The following SPTBN1 variants were observed in gnomAD, a reference collection of about 807,000 sequenced individuals.
SPTBN1 encodes spectrin beta, non-erythrocytic 1, also known as spectrin beta chain, non-erythrocytic 1.
In SPTBN1, 32 loss-of-function variants were observed where a neutral mutation model predicts 266.4. The observed-to-expected ratio is 0.12, with a 90% CI of 0.09 to 0.16. The LOEUF is 0.16. Ranked by LOEUF, SPTBN1 falls within the 10% of genes least tolerant of loss-of-function variation. SPTBN1 has a pLI of 1.00. For missense variants in SPTBN1, 2,296 were observed against 3,067.1 expected (o/e 0.75, Z 5.94); for synonymous variants, 1,336 against 1,162.2 (o/e 1.15, Z -3.04).
chr2:54,462,718 T>C (rs1335418172), intron 1 of SPTBN1, among the ~76,000 whole-genome samples: 1 of 152,240 alleles, frequency 6.6e-6, no homozygotes, highest in Non-Finnish European at 1.5e-5. Flanking sequence ...TTTAACAGGC[T>C]GGATGTGTGA....
intron 1 of SPTBN1, among the ~76,000 whole-genome samples, chr2:54,488,148 A>G (rs1668505841): frequency 6.6e-6 from 1 of 152,162 alleles, no homozygotes; most frequent in Admixed American, 6.5e-5. Flanking sequence ...CTTTATGAAT[A>G]AGAATTTCTA....
intron 1 of SPTBN1, among the ~76,000 whole-genome samples, chr2:54,493,302 G>T (rs1021669424): frequency 1.1e-4 from 16 of 151,776 alleles, no homozygotes; most frequent in African/African-American, 3.9e-4. Flanking sequence ...CACCGCACCC[G>T]GCCTAAGGAG....
chr2:54,493,547 G>A (rs1038822273), intron 1 of SPTBN1, among the ~76,000 whole-genome samples: 1 of 152,004 alleles, frequency 6.6e-6, no homozygotes, highest in African/African-American at 2.4e-5. Context: ...GACTACAGGT[G>A]TGTATCACCA....
At chr2:54,505,924 A>T (rs1015993397) in intron 1 of SPTBN1, among the ~76,000 whole-genome samples, 1 of 151,974 alleles carries the variant, frequency 6.6e-6, no homozygotes, top group Non-Finnish European at 1.5e-5. Flanking sequence ...GGAGATCGAG[A>T]CCATCCTGGC....
chr2:54,654,800 C>G (rs921681808), intron 27 of SPTBN1, among the ~76,000 whole-genome samples: 2 of 152,300 alleles, frequency 1.3e-5, no homozygotes, highest in East Asian at 3.9e-4. Flanking sequence ...TGGCACCCAC[C>G]TAGCAACCAT....
intron 1 of SPTBN1, among the ~76,000 whole-genome samples, chr2:54,512,383 AGG>A (rs1452148666): frequency 6.6e-6 from 1 of 152,202 alleles, no homozygotes; most frequent in Non-Finnish European, 1.5e-5. Context: ...CAAAGGGGAA[AGG>A]CTTGTTGCTG....
intron 1 of SPTBN1, among the ~76,000 whole-genome samples, chr2:54,494,763 C>G (rs1453365023): frequency 6.6e-6 from 1 of 152,082 alleles, no homozygotes; most frequent in African/African-American, 2.4e-5. Flanking sequence ...GAGGCATGGA[C>G]TCCAAAGAGG....
Position 54,657,961 on chromosome 2 carries a change from A to G in SPTBN1, c.6158A>G (p.Glu2053Gly). 6.2e-7 allele frequency: 1 copy of G among 1,614,220 alleles called. No homozygotes were observed. The highest frequency in any genetic ancestry group is 8.5e-7 in the Non-Finnish European group (1 of 1,180,034). ...ATAGGCCAGAGCGTGGACGAGGTGG[A>G]GAAGCTCATCAAGCGCCACGAGGCA... The part of the protein sequence containing the change: ...REIGQSVDEV[E>G]KLIKRHEAFE... Residue 2053 changes from glutamate (E) to glycine (G), a missense_variant, in exon 30 of 36, where the codon GAG becomes GGG. Glu to Gly is a moderately conservative substitution (Grantham distance 98). Around this residue, in one of 12 missense-constraint regions of SPTBN1, gnomAD observed 644 missense variants for 745.3 expected, o/e 0.86. Coordinates refer to ENST00000356805, the MANE Select transcript of SPTBN1 (RefSeq NM_003128.3).
intron 2 of SPTBN1, among the ~76,000 whole-genome samples, chr2:54,547,942 G>GA (rs1161416867): frequency 6.6e-6 from 1 of 152,090 alleles, no homozygotes; most frequent in Non-Finnish European, 1.5e-5. Flanking sequence ...AGGAGATCGA[G>GA]ACCATCCTGG....
At position 54,668,902 on chromosome 2, in the gene SPTBN1, C is replaced by T. The variant is rs182267636; in HGVS notation, c.*333C>T. On this transcript the variant is annotated 3_prime_UTR_variant, in exon 36 of 36. Coordinates refer to ENST00000356805, the MANE Select transcript of SPTBN1 (RefSeq NM_003128.3). ...CTAGTGCTGTTGGTATGCAAGGCAG[C>T]GGTGCTTAATCAATATTTCCTGTGC... 5.0e-5 allele frequency: 14 copies of T among 282,154 alleles called. No homozygotes were observed. Among genetic ancestry groups the T allele is most frequent in the Admixed American group, 4.0e-4 (8 of 19,930 alleles). The allele number at this position is 282,154 out of a possible 1,614,324, so 17.5% of individuals were successfully genotyped here. A position where few individuals can be genotyped will look rare whatever the true frequency, so the allele number is the denominator to read the frequency against.
chr2:54,599,326 A>T, intron 3 of SPTBN1, 83 bp downstream of exon 3: 2 of 1,507,370 alleles, frequency 1.3e-6, no homozygotes, highest in Non-Finnish European at 1.8e-6. Context: ...CTCCTGTTGA[A>T]TTCTGCACTT....
At chr2:54,599,048 C>G (rs748022911) in intron 2 of SPTBN1, 44 bp from the exon 3 acceptor site, 61 of 1,603,462 alleles carry the variant, frequency 3.8e-5, no homozygotes, top group Middle Eastern at 1.7e-4. Context: ...CTGCTCCTGC[C>G]AGTTCTGTGG....
intron 1 of SPTBN1, among the ~76,000 whole-genome samples, chr2:54,487,959 A>C (rs1668497373): frequency 6.6e-6 from 1 of 150,770 alleles, no homozygotes; most frequent in Non-Finnish European, 1.5e-5. Context: ...CCTCCCAAGT[A>C]GCTGGGACTA....
At chr2:54,634,787 T>A (rs1053943013) in intron 17 of SPTBN1, among the ~76,000 whole-genome samples, 2 of 152,206 alleles carry the variant, frequency 1.3e-5, no homozygotes, top group Admixed American at 6.5e-5. Flanking sequence ...TTTCCTGAGT[T>A]GTTGAAAGAG....
intron 1 of SPTBN1, among the ~76,000 whole-genome samples, chr2:54,482,419 C>G (rs1021757976): frequency 2.6e-5 from 4 of 151,982 alleles, no homozygotes; most frequent in African/African-American, 9.7e-5. Flanking sequence ...CTGGGTCCCA[C>G]TTCCAGAGAA....
rs1427050036 is a variant in SPTBN1, at chr2:54,670,044, C to T, written c.*1475C>T. ...ATTCTGCTGTTGCGTAATACAAAGG[C>T]AGCCATTGACGGTATGTGAATGCCT... On this transcript the variant is annotated 3_prime_UTR_variant, in exon 36 of 36. Transcript: ENST00000356805. 6.6e-6 allele frequency: 1 copy of T among 152,232 alleles called. No individual in the cohort carries two copies. The highest frequency in any genetic ancestry group is 1.5e-5 in the Non-Finnish European group (1 of 68,044). 9.4% of individuals were successfully genotyped at this position (152,232 alleles called of 1,614,324 possible).
Position 54,670,708 on chromosome 2 carries a change from G to A in SPTBN1, c.*2139G>A, listed in dbSNP as rs1004830985. Reference sequence around the variant, plus strand: ...AATCCTGGAGTCCCATAATAAATACGTACATGTGGAACATCGTGCACATAA... The same window carrying A: ...AATCCTGGAGTCCCATAATAAATACATACATGTGGAACATCGTGCACATAA... On this transcript the variant is annotated 3_prime_UTR_variant, in exon 36 of 36. Coordinates refer to ENST00000356805, the MANE Select transcript of SPTBN1 (RefSeq NM_003128.3). The A allele has an allele frequency of 5.8e-5, 23 of 398,470 alleles. No homozygotes were observed. Among genetic ancestry groups the A allele is most frequent in the Admixed American group, 4.8e-4 (11 of 22,702 alleles). 24.7% of individuals were successfully genotyped at this position (398,470 alleles called of 1,614,324 possible).
intron 2 of SPTBN1, among the ~76,000 whole-genome samples, chr2:54,530,997 A>T (rs1490398018): frequency 2.0e-5 from 3 of 152,008 alleles, no homozygotes; most frequent in African/African-American, 7.2e-5. Flanking sequence ...CTGTGGGGGG[A>T]GTTGGTGTAG....
intron 1 of SPTBN1, among the ~76,000 whole-genome samples, chr2:54,503,067 TA>T (rs1050189004): frequency 2.6e-5 from 4 of 152,222 alleles, no homozygotes; most frequent in Non-Finnish European, 5.9e-5. Flanking sequence ...GGTACATTCT[TA>T]GCCTTCAGTT....
Sources: gnomAD v4.1 joint callset for allele counts (sites outside exome capture counted in the v4.1 genomes callset) on GRCh38, gnomAD v4.1.1 for gene constraint, gnomAD v4.1.1 regional missense constraint, MANE v1.5 for transcripts, NCBI Gene and HGNC (gene_info 2026-07-23, HGNC 2026-07-21) for gene names.